MROH9: variants seen among roughly 807,000 people sequenced by gnomAD.
The protein encoded by MROH9 is maestro heat-like repeat-containing protein family member 9.
In MROH9, 92 loss-of-function variants were observed where a neutral mutation model predicts 98.2. That is an observed-to-expected ratio of 0.94 (90% CI 0.79 to 1.11). The LOEUF (loss-of-function observed/expected upper bound fraction) is 1.11, where lower values mean the gene tolerates loss of function less well. MROH9 is among the 50% of genes most tolerant of loss of function. The pLI is 0.00. For synonymous variants in MROH9, 397 were observed against 368.9 expected, an observed-to-expected ratio of 1.08 and a Z score of -0.87; for missense variants, 1,057 against 1,014.8, an observed-to-expected ratio of 1.04 and a Z score of -0.57.
intron 1 of MROH9, among the ~76,000 whole-genome samples, chr1:170,941,176 T>G (rs942358870): frequency 1.3e-5 from 2 of 152,132 alleles, no homozygotes; most frequent in African/African-American, 4.8e-5. Context: ...AACCATTTTC[T>G]AGTACTCCCC....
At chr1:170,992,143 G>C in intron 11 of MROH9, 21 bp from the exon 12 acceptor site, 1 of 1,577,340 alleles carries the variant, frequency 6.3e-7, no homozygotes, top group Non-Finnish European at 8.6e-7. Flanking sequence ...CTCATTGTGT[G>C]GGGTGGGGCT....
At chr1:170,980,938 C>A (rs148881479) in intron 8 of MROH9, among the ~76,000 whole-genome samples, 4 of 152,002 alleles carry the variant, frequency 2.6e-5, no homozygotes, top group Admixed American at 6.5e-5. Flanking sequence ...AAACAAACAA[C>A]CCCATCAAAA....
At chr1:170,949,104 T>C (rs1015010292) in intron 3 of MROH9, among the ~76,000 whole-genome samples, 1 of 152,064 alleles carries the variant, frequency 6.6e-6, no homozygotes, top group African/African-American at 2.4e-5. Context: ...AAGTTGACCC[T>C]CTTTGAGGCA....
rs1432830817 is a variant in MROH9, at chr1:170,965,189, G to T, written c.414G>T (p.Leu138=). The part of the protein sequence containing the change: ...LVWMSKDSSY[L]QERIMVIINK... ...GGATGAGTAAAGATAGCTCATATCT[G>T]CAAGAGAGAATAATGGTGATCATCA... is the stretch of plus-strand genomic sequence containing the variant. The change falls in exon 7 of 22, where the codon CTG becomes CTT. Residue 138 remains leucine, a synonymous_variant. Transcript: ENST00000367759. 6.2e-7 allele frequency: 1 copy of T among 1,611,548 alleles called. No homozygotes were observed. The highest frequency in any genetic ancestry group is 1.7e-5 in the Admixed American group (1 of 59,870).
intron 20 of MROH9, among the ~76,000 whole-genome samples, chr1:171,056,307 C>A (rs1444654160): frequency 6.6e-6 from 1 of 152,180 alleles, no homozygotes; most frequent in Non-Finnish European, 1.5e-5. Flanking sequence ...CTGCTGGAAC[C>A]AGTAGGGCTG....
intron 1 of MROH9, among the ~76,000 whole-genome samples, chr1:170,939,250 T>C (rs1649019603): frequency 6.6e-6 from 1 of 152,244 alleles, no homozygotes. Context: ...GCACAGCCCA[T>C]GAATCAGTAT....
intron 20 of MROH9, among the ~76,000 whole-genome samples, chr1:171,032,787 C>T (rs11486180): frequency 0.029 from 4,462 of 152,300 alleles, 226 homozygotes; most frequent in African/African-American, 0.1. Context: ...TTTAACAAAG[C>T]ACTTTGTCCC....
chr1:170,965,549 C>A (rs752445778), intron 7 of MROH9, among the ~76,000 whole-genome samples: 24 of 152,154 alleles, frequency 1.6e-4, no homozygotes, highest in Non-Finnish European at 1.0e-4. Context: ...AATTTGTAAT[C>A]TTTAAAATCC....
At chr1:170,981,857 A>C (rs533699694) in intron 8 of MROH9, among the ~76,000 whole-genome samples, 1 of 152,310 alleles carries the variant, frequency 6.6e-6, no homozygotes, top group Admixed American at 6.5e-5. Context: ...TTCTATATAT[A>C]CTTATTAAAG....
intron 20 of MROH9, among the ~76,000 whole-genome samples, chr1:171,045,181 T>C (rs1361870101): frequency 6.6e-6 from 1 of 151,588 alleles, no homozygotes; most frequent in African/African-American, 2.4e-5. Context: ...TTTCTATTTT[T>C]AGTAGAGACG....
At chr1:171,030,238 G>C (rs1252216916) in intron 20 of MROH9, among the ~76,000 whole-genome samples, 2 of 151,864 alleles carry the variant, frequency 1.3e-5, no homozygotes, top group African/African-American at 4.8e-5. Context: ...TGAAAAACCA[G>C]CTCCTGGATT....
chr1:170,996,226 C>A (rs1408409134), intron 13 of MROH9, among the ~76,000 whole-genome samples: 3 of 152,128 alleles, frequency 2.0e-5, no homozygotes, highest in Non-Finnish European at 4.4e-5. Context: ...CATTGAACAT[C>A]TCTTTCAAAT....
intron 2 of MROH9, 95 bp downstream of exon 2, chr1:170,945,676 T>C: frequency 9.4e-7 from 1 of 1,065,334 alleles, no homozygotes; most frequent in Non-Finnish European, 1.3e-6. Context: ...CTATACATCA[T>C]TCTGTAACCA....
At chr1:171,041,561 A>G (rs1653305849) in intron 20 of MROH9, among the ~76,000 whole-genome samples, 1 of 151,472 alleles carries the variant, frequency 6.6e-6, no homozygotes, top group African/African-American at 2.4e-5. Context: ...TGATACAATT[A>G]TTTGTTTTTC....
chr1:170,953,606 T>C (rs2101881689), intron 3 of MROH9, among the ~76,000 whole-genome samples: 1 of 152,200 alleles, frequency 6.6e-6, no homozygotes, highest in East Asian at 1.9e-4. Context: ...ACACAGTTTC[T>C]AACTTTCAGA....
chr1:171,040,668 T>A (rs1653267278), intron 20 of MROH9, among the ~76,000 whole-genome samples: 1 of 152,106 alleles, frequency 6.6e-6, no homozygotes, highest in Non-Finnish European at 1.5e-5. Context: ...TGAACTTTAG[T>A]GTTACTATCT....
At chr1:171,033,518 C>A (rs1030672075) in intron 20 of MROH9, among the ~76,000 whole-genome samples, 12 of 152,118 alleles carry the variant, frequency 7.9e-5, no homozygotes, top group Admixed American at 4.6e-4. Context: ...TTCCCTGCCC[C>A]GTGTGGCTCT....
At chr1:171,061,271 G>A (rs1467230782) in intron 20 of MROH9, among the ~76,000 whole-genome samples, 1 of 152,152 alleles carries the variant, frequency 6.6e-6, no homozygotes, top group Admixed American at 6.6e-5. Flanking sequence ...ACTGTTTGTG[G>A]GAGTGAAAAT....
At position 170,959,390 on chromosome 1, in the gene MROH9, A is replaced by G. The variant is rs181044597; in HGVS notation, c.153-72A>G. 1.0e-5 allele frequency: 14 copies of G among 1,351,744 alleles called. No individual in the cohort carries two copies. In the Admixed American group the frequency reaches 3.2e-4, roughly 31 times the overall value. The allele number at this position is 1,351,744 out of a possible 1,614,324, so 83.7% of individuals were successfully genotyped here. On this transcript the variant is annotated intron_variant, in intron 4 of 21. Transcript: ENST00000367759. ...ACTCTGTCTCAAAATAAATAAATAA[A>G]TAAATAAAGCCCACTAAATTTCTAT...
Sources: allele counts gnomAD v4.1 joint callset (sites outside exome capture counted in the v4.1 genomes callset), GRCh38; gene constraint gnomAD v4.1.1; transcripts MANE v1.5; gene names NCBI Gene and HGNC (gene_info 2026-07-23, HGNC 2026-07-21).